Variants in CFAP61 observed in about 807,000 individuals in gnomAD.
The protein encoded by CFAP61 is cilia- and flagella-associated protein 61.
Under a neutral mutation model 135.6 loss-of-function variants are expected in CFAP61, and 107 were observed. The ratio of observed to expected loss-of-function variants is 0.79; its 90% CI spans 0.67 to 0.93. The LOEUF (loss-of-function observed/expected upper bound fraction) is 0.93. Ranked by LOEUF, CFAP61 falls within the 40% of genes least tolerant of loss-of-function variation. CFAP61 has a pLI of 0.00. For missense variants in CFAP61, 1,507 were observed against 1,556.2 expected, an observed-to-expected ratio of 0.97 and a Z score of 0.53; for synonymous variants, 575 against 578.5, an observed-to-expected ratio of 0.99 and a Z score of 0.09.
intron 19 of CFAP61, among the ~76,000 whole-genome samples, chr20:20,250,958 C>G (rs1293348667): frequency 6.6e-6 from 1 of 152,208 alleles, no homozygotes; most frequent in Non-Finnish European, 1.5e-5. Flanking sequence ...AGTCTCCGTT[C>G]CTAGAAAATC....
chr20:20,266,079 G>C (rs1369967827), intron 21 of CFAP61, among the ~76,000 whole-genome samples: 1 of 152,238 alleles, frequency 6.6e-6, no homozygotes, highest in Admixed American at 6.5e-5. Flanking sequence ...TCCAGTGTGA[G>C]AGGAGGCCTC....
At chr20:20,140,128 ATTTTTTTTTT>A (rs3060428) in intron 8 of CFAP61, among the ~76,000 whole-genome samples, 14,888 of 97,464 alleles carry the variant, frequency 0.15, 1,097 homozygotes, top group Middle Eastern at 0.2. Flanking sequence ...GGTGCTGGAA[ATTTTTTTTTT>A]TTTTTTTTTT....
intron 8 of CFAP61, among the ~76,000 whole-genome samples, chr20:20,141,461 A>T (rs1185889457): frequency 6.6e-6 from 1 of 152,158 alleles, no homozygotes; most frequent in African/African-American, 2.4e-5. Flanking sequence ...TCCTCAAAGC[A>T]TCTTTCTTCA....
At chr20:20,269,703 A>G (rs1004375037) in intron 21 of CFAP61, among the ~76,000 whole-genome samples, 4 of 152,190 alleles carry the variant, frequency 2.6e-5, no homozygotes, top group Non-Finnish European at 4.4e-5. Context: ...TTCACAATTT[A>G]TTAATAATCT....
At chr20:20,115,787 T>C (rs2049098583) in intron 8 of CFAP61, among the ~76,000 whole-genome samples, 1 of 152,204 alleles carries the variant, frequency 6.6e-6, no homozygotes, top group Admixed American at 6.5e-5. Flanking sequence ...TTTTAATGGC[T>C]GAACAATATT....
chr20:20,158,827 T>C (rs2053169291), intron 9 of CFAP61, among the ~76,000 whole-genome samples: 3 of 152,184 alleles, frequency 2.0e-5, no homozygotes, highest in Admixed American at 1.3e-4. Context: ...CACAGTGATA[T>C]TTTTATGGGT....
chr20:20,215,820 A>G (rs2048008945), intron 17 of CFAP61, among the ~76,000 whole-genome samples: 2 of 151,952 alleles, frequency 1.3e-5, no homozygotes. Flanking sequence ...TTATATATAT[A>G]TATATCATAT....
intron 8 of CFAP61, among the ~76,000 whole-genome samples, chr20:20,119,699 T>G (rs958646613): frequency 2.0e-5 from 3 of 152,170 alleles, no homozygotes; most frequent in African/African-American, 7.2e-5. Context: ...ATAGGTAAAC[T>G]CATGTCATGG....
At chr20:20,256,631 A>G (rs1265927808) in intron 20 of CFAP61, among the ~76,000 whole-genome samples, 1 of 152,192 alleles carries the variant, frequency 6.6e-6, no homozygotes, top group African/African-American at 2.4e-5. Context: ...GCTGAAGACA[A>G]AGCACTCCTG....
rs571391289 is a variant in CFAP61 at position 20,237,342 on chromosome 20, G to A, written c.2061-8775G>A. Among the ~76,000 whole-genome samples the A allele has an allele frequency of 2.9e-3, 447 of 152,220 alleles. 1 individual carries two copies. Among genetic ancestry groups the A allele is most frequent in the Non-Finnish European group, 5.3e-3 (361 of 68,026 alleles). The stretch of plus-strand genomic sequence containing the variant: ...ACTTGCTCCTTGCCCCGTTTCTCCA[G>A]GTCGCATCCTCATTCCTACAGGAGC... On this transcript the variant is annotated intron_variant, in intron 18 of 26. Coordinates refer to ENST00000245957, the MANE Select transcript of CFAP61 (RefSeq NM_015585.4).
chr20:20,135,157 C>G (rs892882329), intron 8 of CFAP61, among the ~76,000 whole-genome samples: 2 of 152,026 alleles, frequency 1.3e-5, no homozygotes, highest in Non-Finnish European at 2.9e-5. Context: ...AATGATGTAA[C>G]GAGCCAAGGA....
intron 15 of CFAP61, among the ~76,000 whole-genome samples, chr20:20,195,263 G>A (rs552189211): frequency 6.6e-6 from 1 of 152,344 alleles, no homozygotes; most frequent in African/African-American, 2.4e-5. Context: ...GCTGGTGCCA[G>A]CCTTGCTGAT....
intron 3 of CFAP61, among the ~76,000 whole-genome samples, chr20:20,072,022 G>C (rs181776892): frequency 1.6e-4 from 24 of 147,022 alleles, no homozygotes; most frequent in Admixed American, 1.6e-3. Context: ...TGTCTGGATA[G>C]AGCTAACCTC....
intron 25 of CFAP61, among the ~76,000 whole-genome samples, chr20:20,335,041 A>G (rs2058129901): frequency 6.6e-6 from 1 of 152,232 alleles, no homozygotes; most frequent in African/African-American, 2.4e-5. Flanking sequence ...TCATAACCCT[A>G]CCTGACAGTG....
chr20:20,166,956 A>G lies in CFAP61; in HGVS notation c.1245+520A>G, dbSNP rs186750402. ...TATCCAAGTACAAATAAGATTCTCC[A>G]TGCCAGGGTGTCCCGGGCTTCTGCC... is the stretch of plus-strand genomic sequence containing the variant. On this transcript the variant is annotated intron_variant, in intron 12 of 26. Coordinates refer to ENST00000245957, the MANE Select transcript of CFAP61 (RefSeq NM_015585.4). 7.2e-5 allele frequency among the ~76,000 whole-genome samples: 11 copies of G among 152,308 alleles called. No individual in the cohort carries two copies. The East Asian group carries it at 2.1e-3, about 29-fold the overall frequency.
chr20:20,305,195 A>G (rs934105807), intron 25 of CFAP61, among the ~76,000 whole-genome samples: 3 of 152,186 alleles, frequency 2.0e-5, no homozygotes, highest in African/African-American at 7.2e-5. Context: ...AGTGTTCTAA[A>G]TGGGATTTGA....
intron 18 of CFAP61, among the ~76,000 whole-genome samples, chr20:20,238,035 T>G (rs932558929): frequency 6.6e-6 from 1 of 152,180 alleles, no homozygotes; most frequent in Non-Finnish European, 1.5e-5. Flanking sequence ...AAAATAAAAA[T>G]TTTTTTAAAA....
At chr20:20,252,461 G>T (rs1023312856) in intron 20 of CFAP61, among the ~76,000 whole-genome samples, 1 of 152,226 alleles carries the variant, frequency 6.6e-6, no homozygotes, top group Admixed American at 6.5e-5. Context: ...GACCAAGTTT[G>T]TGAAACCCAT....
At chr20:20,256,102 G>A (rs1601656164) in intron 20 of CFAP61, among the ~76,000 whole-genome samples, 1 of 152,320 alleles carries the variant, frequency 6.6e-6, no homozygotes, top group African/African-American at 2.4e-5. Flanking sequence ...GCATGTGAGT[G>A]AAACAATCTC....
Sources: allele counts gnomAD v4.1 joint callset (sites outside exome capture counted in the v4.1 genomes callset), GRCh38; gene constraint gnomAD v4.1.1; transcripts MANE v1.5; gene names NCBI Gene and HGNC (gene_info 2026-07-23, HGNC 2026-07-21).